OTULIN: variants seen among roughly 807,000 people sequenced by gnomAD.
OTULIN encodes ubiquitin thioesterase otulin.
OTULIN carries 15 observed loss-of-function variants against 39.6 expected under a neutral mutation model. The ratio of observed to expected loss-of-function variants is 0.38; its 90% CI spans 0.25 to 0.58. The LOEUF (loss-of-function observed/expected upper bound fraction) is 0.58. OTULIN is among the 20% of genes least tolerant of loss of function. OTULIN has a pLI of 0.66. For missense variants in OTULIN, 319 were observed against 445.9 expected, an observed-to-expected ratio of 0.72 and a Z score of 2.56; for synonymous variants, 156 against 170.3, an observed-to-expected ratio of 0.92 and a Z score of 0.65.
chr5:14,711,403 G>A, the OTULIN span: 1 of 1,094,260 alleles, frequency 9.1e-7, no homozygotes, highest in East Asian at 2.4e-5. Context: ...GGTCTTGGGG[G>A]ACCCCTCACT....
At chr5:14,684,070 T>G in intron 4 of OTULIN, among the ~76,000 whole-genome samples, 1 of 152,368 alleles carries the variant, frequency 6.6e-6, no homozygotes, top group Non-Finnish European at 1.5e-5. Context: ...CTTTCCAGTT[T>G]CTTTCCTTTT....
At chr5:14,687,997 T>C (rs1185828520) in intron 5 of OTULIN, 1 of 157,404 alleles carries the variant, frequency 6.4e-6, no homozygotes, top group African/African-American at 2.4e-5. Flanking sequence ...ATTTATTAAA[T>C]TCTTTCCAAT....
chr5:14,668,339 C>A (rs1735900446), intron 1 of OTULIN, among the ~76,000 whole-genome samples: 1 of 152,204 alleles, frequency 6.6e-6, no homozygotes, highest in Non-Finnish European at 1.5e-5. Flanking sequence ...TGCATTGACC[C>A]CGGATACCTC....
intron 2 of OTULIN, among the ~76,000 whole-genome samples, chr5:14,678,083 T>A (rs554173048): frequency 2.0e-5 from 3 of 152,210 alleles, no homozygotes; most frequent in Non-Finnish European, 2.9e-5. Context: ...AGAAAAATAT[T>A]TCAGGTGTTG....
downstream of OTULIN, among the ~76,000 whole-genome samples, chr5:14,700,527 G>C (rs1736774560): frequency 6.6e-6 from 1 of 151,728 alleles, no homozygotes; most frequent in African/African-American, 2.4e-5. Flanking sequence ...AGTCCTCCCA[G>C]CCCTCTCCAT....
intron 4 of OTULIN, among the ~76,000 whole-genome samples, chr5:14,682,052 C>T (rs149470255): frequency 1.2e-4 from 18 of 152,318 alleles, no homozygotes; most frequent in Admixed American, 3.3e-4. Context: ...CTAGAAGAGA[C>T]ATGATTACTG....
At chr5:14,671,056 G>A (rs1487718112) in intron 1 of OTULIN, among the ~76,000 whole-genome samples, 1 of 152,038 alleles carries the variant, frequency 6.6e-6, no homozygotes, top group African/African-American at 2.4e-5. Flanking sequence ...TTTATTTCCA[G>A]TAATTTCCCG....
chr5:14,677,616 A>AT (rs895128357), intron 2 of OTULIN, among the ~76,000 whole-genome samples: 29 of 150,854 alleles, frequency 1.9e-4, no homozygotes, highest in East Asian at 1.8e-3. Flanking sequence ...TATAAAGGCT[A>AT]TTTTTTTTTC....
the OTULIN span, chr5:14,711,300 A>ATCT: frequency 1.2e-6 from 2 of 1,613,922 alleles, no homozygotes; most frequent in Non-Finnish European, 8.5e-7. Context: ...CTCATTCTCC[A>ATCT]TCTTCTTTTT....
At chr5:14,708,016 CCT>C in the OTULIN span, 4 of 152,178 alleles carry the variant, frequency 2.6e-5, no homozygotes, top group African/African-American at 9.6e-5. Flanking sequence ...GTCAATACTC[CCT>C]GAGCCATGTG....
At chr5:14,706,425 C>T in the OTULIN span, 1 of 152,150 alleles carries the variant, frequency 6.6e-6, no homozygotes, top group East Asian at 1.9e-4. Context: ...ATTTAGGAGG[C>T]CCACCTTTGA....
intron 1 of OTULIN, among the ~76,000 whole-genome samples, chr5:14,671,847 G>A (rs1347239814): frequency 1.3e-5 from 2 of 152,070 alleles, no homozygotes; most frequent in Admixed American, 6.5e-5. Flanking sequence ...AATAAGAATA[G>A]CTTACTTAAT....
In OTULIN at chr5:14,690,084, G is replaced by A; in HGVS notation, c.640G>A (p.Ala214Thr). 1 of 1,614,206 alleles carries A rather than the reference G, an allele frequency of 6.2e-7. No homozygotes were observed. The highest frequency in any genetic ancestry group is 8.5e-7 in the Non-Finnish European group (1 of 1,180,018). Residue 214 changes from alanine (A) to threonine (T), a missense_variant, in exon 6 of 7, where the codon GCT (alanine) becomes ACT (threonine). Coordinates refer to ENST00000284274, the MANE Select transcript of OTULIN (RefSeq NM_138348.6). The surrounding 1 kb of genome is among the most constrained non-coding windows in gnomAD (Gnocchi z 4.5). ...GAGAACTGCTGAAGCAAGACAGATA[G>A]CTTGTGATGAACTATTCACAAATGA... ...EMRTAEARQI[A>T]CDELFTNEAE...
intron 3 of OTULIN, among the ~76,000 whole-genome samples, chr5:14,679,501 TG>T (rs1352068576): frequency 6.6e-6 from 1 of 152,222 alleles, no homozygotes; most frequent in Non-Finnish European, 1.5e-5. Flanking sequence ...TTGAAACCTC[TG>T]GGTTTATCTT....
chr5:14,670,216 C>A (rs1025999266), intron 1 of OTULIN, among the ~76,000 whole-genome samples: 3 of 152,162 alleles, frequency 2.0e-5, no homozygotes, highest in African/African-American at 7.2e-5. Context: ...GATACCTCTC[C>A]ACCACCACCC....
Position 14,693,429 on chromosome 5 carries a change from AT to A in OTULIN, c.*390del, listed in dbSNP as rs143563486. 16,454 of 167,818 alleles carry A rather than the reference AT, an allele frequency of 0.098. 922 individuals carry two copies. Among genetic ancestry groups the A allele is most frequent in the African/African-American group, 0.16 (6,708 of 41,664 alleles). 10.4% of individuals were successfully genotyped at this position (167,818 alleles called of 1,614,324 possible). On this transcript the variant is annotated 3_prime_UTR_variant, in exon 7 of 7. Transcript: ENST00000284274. ...GGCTTCTAATTTTTTTAAGTACAGTATTTTTTTTTCCCCTTTAGTAGTAACG... is the reference window on the plus strand; with the variant it reads ...GGCTTCTAATTTTTTTAAGTACAGTATTTTTTTTCCCCTTTAGTAGTAACG...
the OTULIN span, chr5:14,710,732 G>C: frequency 5.0e-6 from 1 of 201,058 alleles, no homozygotes; most frequent in Admixed American, 5.3e-5. Flanking sequence ...TCTTTGTACG[G>C]CCATGTGACT....
intron 5 of OTULIN, among the ~76,000 whole-genome samples, chr5:14,689,802 G>A (rs1736478030): frequency 6.6e-6 from 1 of 152,166 alleles, no homozygotes; most frequent in Admixed American, 6.5e-5. Context: ...AATTTCCACA[G>A]CCTCGGTGCT....
chr5:14,681,842 G>C (rs1004668567), intron 4 of OTULIN, among the ~76,000 whole-genome samples: 5 of 152,192 alleles, frequency 3.3e-5, no homozygotes, highest in African/African-American at 1.2e-4. Flanking sequence ...TTGAATTAGA[G>C]AGCAGATGTT....
Sources: gnomAD v4.1 joint callset for allele counts (sites outside exome capture counted in the v4.1 genomes callset) on GRCh38, gnomAD v4.1.1 for gene constraint, Gnocchi (gnomAD v3.1) non-coding constraint, MANE v1.5 for transcripts, NCBI Gene and HGNC (gene_info 2026-07-23, HGNC 2026-07-21) for gene names.